CAB39L: variants seen among roughly 807,000 people sequenced by gnomAD.
CAB39L encodes the protein calcium binding protein 39 like.
Under a neutral mutation model 39.1 loss-of-function variants are expected in CAB39L, and 23 were observed. The observed-to-expected ratio is 0.59, with a 90% CI of 0.42 to 0.83. CAB39L has a LOEUF of 0.83. Ranked by LOEUF, CAB39L falls within the 40% of genes least tolerant of loss-of-function variation. The pLI, the probability that CAB39L is intolerant of heterozygous loss-of-function variation, is 0.00. For missense variants in CAB39L, 366 were observed against 391.9 expected (o/e 0.93, Z 0.56); for synonymous variants, 126 against 137.2 (o/e 0.92, Z 0.57).
In CAB39L at chr13:49,310,759, A is replaced by G. The variant is rs1355144665; in HGVS notation, c.*55T>C. 1.9e-6 allele frequency: 3 copies of G among 1,541,144 alleles called. No homozygotes were observed. In the African/African-American group the frequency reaches 4.1e-5, roughly 21 times the overall value. Reference sequence around the variant, plus strand: ...GAATGATGACTTTCTGAAATGACACACTGTACAAACTGGACAAATGAGACG... The same window carrying G: ...GAATGATGACTTTCTGAAATGACACGCTGTACAAACTGGACAAATGAGACG... On this transcript the variant is annotated 3_prime_UTR_variant, in exon 11 of 11. Transcript: ENST00000409308.
chr13:49,311,899 T>A (rs1954004286), intron 10 of CAB39L, among the ~76,000 whole-genome samples: 1 of 152,188 alleles, frequency 6.6e-6, no homozygotes, highest in African/African-American at 2.4e-5. Flanking sequence ...TATGTATGTA[T>A]TTATTTATTT....
chr13:49,375,104 A>T (rs77692885), intron 5 of CAB39L, among the ~76,000 whole-genome samples: 1,595 of 152,298 alleles, frequency 0.01, 11 homozygotes, highest in South Asian at 0.036. Flanking sequence ...AAATGAAAAA[A>T]TACTACTACT....
At chr13:49,333,568 C>CTTTTTTTTTTTTT (rs796079933) in intron 9 of CAB39L, among the ~76,000 whole-genome samples, 6 of 111,856 alleles carry the variant, frequency 5.4e-5, no homozygotes, top group Admixed American at 1.9e-4. Context: ...TTCTTTCTTT[C>CTTTTTTTTTTTTT]TTTTTTTTTT....
At chr13:49,369,741 C>T (rs183237056) in intron 5 of CAB39L, among the ~76,000 whole-genome samples, 212 of 152,140 alleles carry the variant, frequency 1.4e-3, no homozygotes, top group African/African-American at 4.8e-3. Flanking sequence ...GTGCACACCA[C>T]CACACCCGGC....
At chr13:49,351,062 T>C in intron 6 of CAB39L, 150 bp from the exon 7 acceptor site, 1 of 505,214 alleles carries the variant, frequency 2.0e-6, no homozygotes, top group South Asian at 5.7e-5. Context: ...AGATCTACTA[T>C]GTGCCTGGCA....
chr13:49,354,112 T>A (rs1216123908), intron 6 of CAB39L, among the ~76,000 whole-genome samples: 1 of 152,218 alleles, frequency 6.6e-6, no homozygotes, highest in Non-Finnish European at 1.5e-5. Flanking sequence ...ATTAGTTCTC[T>A]TTTTCCTTTC....
chr13:49,361,071 G>T (rs572029195), intron 5 of CAB39L, among the ~76,000 whole-genome samples: 9 of 152,220 alleles, frequency 5.9e-5, no homozygotes, highest in Non-Finnish European at 8.8e-5. Context: ...TTCAGTTACT[G>T]TCTCCACTTC....
At chr13:49,348,265 G>A (rs1040696015) in intron 7 of CAB39L, among the ~76,000 whole-genome samples, 7 of 152,076 alleles carry the variant, frequency 4.6e-5, no homozygotes, top group Admixed American at 2.0e-4. Flanking sequence ...TCCTGCTTAC[G>A]ACAACAAAAG....
At chr13:49,413,436 G>GAT (rs1246351118) in intron 3 of CAB39L, among the ~76,000 whole-genome samples, 13 of 152,180 alleles carry the variant, frequency 8.5e-5, no homozygotes, top group African/African-American at 3.1e-4. Flanking sequence ...CTAGGATTTG[G>GAT]ATATAGTGAG....
In CAB39L at chr13:49,314,418, G is replaced by A. The variant is rs1022400831; in HGVS notation, c.835-3425C>T. On this transcript the variant is annotated intron_variant, in intron 10 of 10. Transcript: ENST00000409308. Reference sequence around the variant, plus strand: ...ATGTGGGGAGTCGTGCTTGCTGGAGGCAAAGTGCCTGAACTGAATTCAAGG... The same window carrying A: ...ATGTGGGGAGTCGTGCTTGCTGGAGACAAAGTGCCTGAACTGAATTCAAGG... 4.0e-4 allele frequency among the ~76,000 whole-genome samples: 61 copies of A among 152,148 alleles called. 1 individual carries two copies. The highest frequency in any genetic ancestry group is 8.8e-5 in the Non-Finnish European group (6 of 68,036).
intron 8 of CAB39L, among the ~76,000 whole-genome samples, chr13:49,340,017 G>T (rs1003481928): frequency 6.6e-6 from 1 of 152,204 alleles, no homozygotes; most frequent in African/African-American, 2.4e-5. Flanking sequence ...AGTTGCAAGA[G>T]AACTCATTTT....
At position 49,340,234 on chromosome 13, in the gene CAB39L, C is replaced by T. The variant is rs547801351; in HGVS notation, c.625-492G>A. 2.6e-5 allele frequency among the ~76,000 whole-genome samples: 4 copies of T among 152,298 alleles called. No homozygotes were observed. The South Asian group carries it at 8.3e-4, about 32-fold the overall frequency. On this transcript the variant is annotated intron_variant, in intron 8 of 10. Coordinates refer to ENST00000409308, the MANE Select transcript of CAB39L (RefSeq NM_001079670.3). ...TCTCTCTGGAGCACTTCACTCTCAC[C>T]GGAAGCTGGGGACACTGGTGCACGA... is the stretch of plus-strand genomic sequence containing the variant.
intron 3 of CAB39L, among the ~76,000 whole-genome samples, chr13:49,423,250 A>C (rs1343664634): frequency 1.3e-5 from 2 of 152,216 alleles, no homozygotes; most frequent in Non-Finnish European, 2.9e-5. Context: ...TTGGCATATC[A>C]AACAAGTCCC....
At chr13:49,353,693 C>A (rs1157653515) in intron 6 of CAB39L, among the ~76,000 whole-genome samples, 1 of 152,008 alleles carries the variant, frequency 6.6e-6, no homozygotes, top group Non-Finnish European at 1.5e-5. Flanking sequence ...CTCTTTAACA[C>A]TTTTTTCATT....
chr13:49,344,899 G>A (rs1460331676), intron 7 of CAB39L, among the ~76,000 whole-genome samples: 1 of 152,170 alleles, frequency 6.6e-6, no homozygotes, highest in African/African-American at 2.4e-5. Flanking sequence ...GTAAGGTGTT[G>A]TGCAAGTTAC....
intron 10 of CAB39L, among the ~76,000 whole-genome samples, chr13:49,316,921 C>G (rs117141769): frequency 0.037 from 5,584 of 152,220 alleles, 157 homozygotes; most frequent in Middle Eastern, 0.11. Flanking sequence ...AAGATGGAAA[C>G]AGAGATGCTT....
chr13:49,334,694 T>C (rs1391720899), intron 9 of CAB39L, among the ~76,000 whole-genome samples: 2 of 152,208 alleles, frequency 1.3e-5, no homozygotes, highest in Non-Finnish European at 2.9e-5. Context: ...TGCATGGGTA[T>C]TGTTGGGGAA....
At chr13:49,407,038 C>G (rs1251216103) in intron 3 of CAB39L, among the ~76,000 whole-genome samples, 1 of 152,070 alleles carries the variant, frequency 6.6e-6, no homozygotes, top group Non-Finnish European at 1.5e-5. Flanking sequence ...AAAGAAATTT[C>G]ATAAAACAAG....
At chr13:49,388,079 G>GA (rs1566110118) in intron 3 of CAB39L, among the ~76,000 whole-genome samples, 1 of 152,046 alleles carries the variant, frequency 6.6e-6, no homozygotes. Context: ...AGAAAAGGTC[G>GA]AAAAAACTAA....
Sources: gnomAD v4.1 joint callset for allele counts (sites outside exome capture counted in the v4.1 genomes callset) on GRCh38, gnomAD v4.1.1 for gene constraint, MANE v1.5 for transcripts, NCBI Gene and HGNC (gene_info 2026-07-23, HGNC 2026-07-21) for gene names.